Variants in FAXC observed in about 807,000 individuals in gnomAD.
The protein encoded by FAXC is failed axon connections homolog, metaxin like GST domain containing.
FAXC carries 10 observed loss-of-function variants against 41.9 expected under a neutral mutation model. That is an observed-to-expected ratio of 0.24 (90% CI 0.15 to 0.41). The LOEUF (loss-of-function observed/expected upper bound fraction) is 0.41. FAXC is among the 10% of genes least tolerant of loss of function. The probability of loss-of-function intolerance (pLI) is 1.00; values close to 1 mark genes in which losing one functional copy is unlikely to be tolerated. For missense variants in FAXC, 399 were observed against 510.9 expected (o/e 0.78, Z 2.11); for synonymous variants, 183 against 183.8 (o/e 1.00, Z 0.03).
chr6:99,287,706 C>G (rs1771077927), intron 5 of FAXC, among the ~76,000 whole-genome samples: 1 of 152,164 alleles, frequency 6.6e-6, no homozygotes, highest in African/African-American at 2.4e-5. Flanking sequence ...TCACCCAGTT[C>G]TAAAATCTCC....
intron 2 of FAXC, among the ~76,000 whole-genome samples, chr6:99,339,150 G>T (rs1286791289): frequency 1.3e-5 from 2 of 152,170 alleles, no homozygotes; most frequent in African/African-American, 4.8e-5. Context: ...ATCATTATTG[G>T]GGCAGGCAAA....
intron 4 of FAXC, among the ~76,000 whole-genome samples, chr6:99,319,888 C>A (rs946204355): frequency 5.3e-5 from 8 of 152,152 alleles, no homozygotes; most frequent in African/African-American, 1.4e-4. Context: ...TTACTGAATT[C>A]TCTCATTAAC....
At chr6:99,326,327 AT>A (rs1772801832) in intron 3 of FAXC, among the ~76,000 whole-genome samples, 1 of 152,226 alleles carries the variant, frequency 6.6e-6, no homozygotes, top group Non-Finnish European at 1.5e-5. Flanking sequence ...TAGGAGAAAC[AT>A]TGCAATAGAA....
intron 4 of FAXC, among the ~76,000 whole-genome samples, chr6:99,320,409 T>C (rs898509196): frequency 6.6e-6 from 1 of 152,246 alleles, no homozygotes; most frequent in Non-Finnish European, 1.5e-5. Flanking sequence ...TGTTTAACTG[T>C]TTTATGTAGT....
At chr6:99,330,286 G>A (rs1422492114) in intron 3 of FAXC, among the ~76,000 whole-genome samples, 3 of 152,152 alleles carry the variant, frequency 2.0e-5, no homozygotes, top group African/African-American at 7.2e-5. Context: ...ATGTCACACT[G>A]AAGAAGCTGC....
At chr6:99,346,962 T>C (rs1054250715) in intron 1 of FAXC, among the ~76,000 whole-genome samples, 2 of 152,172 alleles carry the variant, frequency 1.3e-5, no homozygotes, top group African/African-American at 4.8e-5. Context: ...ACTCAAACAT[T>C]TGTCCAGAAA....
At chr6:99,282,728 A>C (rs967485762) in intron 5 of FAXC, among the ~76,000 whole-genome samples, 3 of 150,634 alleles carry the variant, frequency 2.0e-5, no homozygotes, top group Non-Finnish European at 3.0e-5. Flanking sequence ...TACTCTAAGA[A>C]TGTCTTTGGA....
intron 4 of FAXC, among the ~76,000 whole-genome samples, chr6:99,297,211 T>C (rs748269161): frequency 1.3e-5 from 2 of 151,960 alleles, no homozygotes; most frequent in Non-Finnish European, 2.9e-5. Context: ...CCACAGAGGG[T>C]TGACCAGGAG....
intron 4 of FAXC, chr6:99,309,921 C>T: frequency 3.0e-6 from 3 of 984,674 alleles, no homozygotes; most frequent in Non-Finnish European, 3.6e-6. Flanking sequence ...ATTAACAAAC[C>T]ACCAACGTAA....
At chr6:99,326,004 C>T (rs112276576) in intron 3 of FAXC, among the ~76,000 whole-genome samples, 25 of 152,316 alleles carry the variant, frequency 1.6e-4, no homozygotes, top group African/African-American at 4.8e-4. Flanking sequence ...AGCTGCCTGA[C>T]GAACTGCAAG....
chr6:99,346,680 G>A (rs906628783), intron 1 of FAXC, among the ~76,000 whole-genome samples: 2 of 152,032 alleles, frequency 1.3e-5, no homozygotes, highest in Non-Finnish European at 2.9e-5. Flanking sequence ...GATTACAGGC[G>A]TAAGCTGCCG....
At chr6:99,288,859 T>TACACACACAAACACACACACAC (rs1554197989) in intron 5 of FAXC, among the ~76,000 whole-genome samples, 1 of 145,736 alleles carries the variant, frequency 6.9e-6, no homozygotes, top group African/African-American at 2.6e-5. Context: ...CACACACACA[T>TACACACACAAACACACACACAC]ACACACACAC....
chr6:99,333,486 T>G lies in FAXC; in HGVS notation c.464A>C (p.Glu155Ala), dbSNP rs1407635130. Residue 155 changes from glutamate to alanine, a missense_variant, in exon 3 of 6, where the codon GAA becomes GCA. Transcript: ENST00000389677. ...TATGAATTCTGTGCCAGAAACTTTT[T>G]CATGATTATATTCAATCCAAGGCAT... ...GKMPWIEYNH[E>A]KVSGTEFIID... 1 of 1,614,168 alleles carries G rather than the reference T, an allele frequency of 6.2e-7. No homozygotes were observed. The highest frequency in any genetic ancestry group is 1.7e-5 in the Admixed American group (1 of 60,010).
intron 4 of FAXC, among the ~76,000 whole-genome samples, chr6:99,321,510 G>A (rs1310937869): frequency 6.6e-6 from 1 of 152,160 alleles, no homozygotes; most frequent in Admixed American, 6.5e-5. Context: ...TATAGAAAAA[G>A]TGCTTCTCTT....
chr6:99,304,772 A>G (rs1463924582), intron 4 of FAXC, among the ~76,000 whole-genome samples: 2 of 152,186 alleles, frequency 1.3e-5, no homozygotes, highest in Non-Finnish European at 2.9e-5. Flanking sequence ...CAATGTCCAC[A>G]GGCAAGGTTA....
rs1770570030 is a variant in FAXC at position 99,275,513 on chromosome 6, C to T, written c.*5651G>A. ...ATGAAATTTGAGCATCCTAGTTTGTCATGGTCCAGCCAATAGCAGGAGTTT... is the reference window on the plus strand; with the variant it reads ...ATGAAATTTGAGCATCCTAGTTTGTTATGGTCCAGCCAATAGCAGGAGTTT... On this transcript the variant is annotated 3_prime_UTR_variant, in exon 6 of 6. Transcript: ENST00000389677. 1 of 152,182 alleles carries T rather than the reference C, an allele frequency of 6.6e-6. No homozygotes were observed. Among genetic ancestry groups the T allele is most frequent in the Admixed American group, 6.5e-5 (1 of 15,280 alleles). 9.4% of individuals were successfully genotyped at this position (152,182 alleles called of 1,614,324 possible).
chr6:99,297,960 C>T (rs1368851119), intron 4 of FAXC, among the ~76,000 whole-genome samples: 1 of 152,144 alleles, frequency 6.6e-6, no homozygotes, highest in Admixed American at 6.5e-5. Flanking sequence ...ACCAGCAGCA[C>T]CTGAGTGTTA....
At chr6:99,300,205 TTG>T (rs1202796822) in intron 4 of FAXC, among the ~76,000 whole-genome samples, 1 of 152,136 alleles carries the variant, frequency 6.6e-6, no homozygotes, top group Non-Finnish European at 1.5e-5. Flanking sequence ...AAGCAAAGGG[TTG>T]TGTATCCTCC....
intron 2 of FAXC, among the ~76,000 whole-genome samples, chr6:99,338,592 C>T (rs1488929123): frequency 6.6e-6 from 1 of 152,202 alleles, no homozygotes; most frequent in Non-Finnish European, 1.5e-5. Context: ...TGGGCTCCCA[C>T]TGCCCCAAAG....
Sources: gnomAD v4.1 joint callset for allele counts (sites outside exome capture counted in the v4.1 genomes callset) on GRCh38, gnomAD v4.1.1 for gene constraint, MANE v1.5 for transcripts, NCBI Gene and HGNC (gene_info 2026-07-23, HGNC 2026-07-21) for gene names.